Variants in STK4 observed in about 807,000 individuals in gnomAD.
STK4 encodes the protein serine/threonine-protein kinase 4.
A neutral mutation model predicts 64.9 loss-of-function variants in STK4; 30 were observed. The ratio of observed to expected loss-of-function variants is 0.46; its 90% confidence interval spans 0.35 to 0.63. The LOEUF (loss-of-function observed/expected upper bound fraction) is 0.63, where lower values mean the gene tolerates loss of function less well. Ranked by LOEUF, STK4 falls within the 20% of genes least tolerant of loss-of-function variation. The pLI is 0.01. For synonymous variants in STK4, 177 were observed against 199.0 expected, an observed-to-expected ratio of 0.89 and a Z score of 0.93; for missense variants, 466 against 598.5, an observed-to-expected ratio of 0.78 and a Z score of 2.31.
At chr20:45,007,982 G>A (rs1044162079) in intron 9 of STK4, among the ~76,000 whole-genome samples, 3 of 152,022 alleles carry the variant, frequency 2.0e-5, no homozygotes, top group East Asian at 1.9e-4. Context: ...GAACACATGC[G>A]GTATTTGGTT....
intron 9 of STK4, among the ~76,000 whole-genome samples, chr20:45,023,486 G>A (rs6073604): frequency 0.87 from 132,767 of 152,138 alleles, 58,075 homozygotes; most frequent in East Asian, 0.96. Flanking sequence ...AAGGTGCTGA[G>A]CCTTCTGGTT....
intron 10 of STK4, among the ~76,000 whole-genome samples, chr20:45,066,194 A>T: frequency 6.6e-6 from 1 of 151,998 alleles, no homozygotes; most frequent in East Asian, 1.9e-4. Context: ...ACACACACAC[A>T]CACACACACA....
At chr20:45,051,607 G>A (rs1057214461) in intron 10 of STK4, among the ~76,000 whole-genome samples, 1 of 152,190 alleles carries the variant, frequency 6.6e-6, no homozygotes, top group African/African-American at 2.4e-5. Context: ...CTGCAGCGAT[G>A]CATTGCTCTA....
intron 9 of STK4, among the ~76,000 whole-genome samples, chr20:45,008,208 C>A (rs1048754271): frequency 3.3e-5 from 5 of 152,162 alleles, no homozygotes; most frequent in Admixed American, 2.6e-4. Flanking sequence ...GCATGTACCA[C>A]CACACCAGGC....
intron 3 of STK4, among the ~76,000 whole-genome samples, chr20:44,978,870 C>G (rs1241188234): frequency 6.7e-6 from 1 of 150,118 alleles, no homozygotes; most frequent in Non-Finnish European, 1.5e-5. Context: ...GCAATCTCGG[C>G]TCATTGCAAC....
At chr20:45,052,567 C>G (rs761295684) in intron 10 of STK4, among the ~76,000 whole-genome samples, 1 of 152,048 alleles carries the variant, frequency 6.6e-6, no homozygotes, top group South Asian at 2.1e-4. Flanking sequence ...GTTTTCAGGT[C>G]GTTCTAATAT....
At chr20:45,010,726 T>C (rs2068030186) in intron 9 of STK4, among the ~76,000 whole-genome samples, 1 of 152,242 alleles carries the variant, frequency 6.6e-6, no homozygotes. Context: ...GAGCTGGGAC[T>C]AAGGCTTATG....
At chr20:45,068,607 A>G (rs148788655) in intron 10 of STK4, among the ~76,000 whole-genome samples, 13 of 152,306 alleles carry the variant, frequency 8.5e-5, no homozygotes, top group Middle Eastern at 6.8e-3. Context: ...TAATTCTTCC[A>G]GTCTTCCACA....
At chr20:45,059,712 A>G (rs1032936021) in intron 10 of STK4, among the ~76,000 whole-genome samples, 2 of 152,206 alleles carry the variant, frequency 1.3e-5, no homozygotes, top group African/African-American at 2.4e-5. Flanking sequence ...ATAAGGGGGA[A>G]TATAATATAC....
intron 10 of STK4, among the ~76,000 whole-genome samples, chr20:45,066,107 A>G (rs953757511): frequency 6.6e-6 from 1 of 152,048 alleles, no homozygotes; most frequent in African/African-American, 2.4e-5. Flanking sequence ...ATAGGTATAT[A>G]TGTATAGGAA....
rs374331006 is a variant in STK4 at position 45,001,245 on chromosome 20, A to G, written c.1039A>G (p.Met347Val). ...GGGCACTGTCCGAGTAGCCAGCACC[A>G]TGACTGATGGAGCCAATACTATGAT... ...EMGTVRVAST[M>V]TDGANTMIEH... Residue 347 changes from methionine (M) to valine (V), a missense_variant, in exon 9 of 11, where the codon ATG becomes GTG. Physicochemically the swap from Met to Val is conservative, Grantham distance 21 (BLOSUM62 1). Around this residue, in one of 2 missense-constraint regions of STK4, gnomAD observed 276 missense variants for 308.9 expected, o/e 0.89. Coordinates refer to ENST00000372806, the MANE Select transcript of STK4 (RefSeq NM_006282.5). 1.9e-6 allele frequency: 3 copies of G among 1,614,094 alleles called. No homozygotes were observed. The highest frequency in any genetic ancestry group is 1.3e-5 in the African/African-American group (1 of 74,936).
At chr20:45,033,127 T>C (rs1363241448) in intron 10 of STK4, among the ~76,000 whole-genome samples, 1 of 152,206 alleles carries the variant, frequency 6.6e-6, no homozygotes, top group East Asian at 1.9e-4. Context: ...TCGTTTGCTT[T>C]TTACTTGTTA....
intron 10 of STK4, among the ~76,000 whole-genome samples, chr20:45,060,467 C>T (rs1978894458): frequency 6.6e-6 from 1 of 152,078 alleles, no homozygotes; most frequent in African/African-American, 2.4e-5. Flanking sequence ...GTTTTTTTTC[C>T]CATAGACTCT....
intron 9 of STK4, among the ~76,000 whole-genome samples, chr20:45,003,643 G>C (rs2067880605): frequency 2.6e-5 from 4 of 152,038 alleles, no homozygotes; most frequent in Admixed American, 2.6e-4. Flanking sequence ...GTGTGGCAGG[G>C]AGTATATGGG....
intron 5 of STK4, among the ~76,000 whole-genome samples, chr20:44,989,780 C>T (rs888109864): frequency 6.6e-5 from 10 of 152,120 alleles, no homozygotes; most frequent in African/African-American, 2.4e-4. Context: ...GATAGGCATC[C>T]AATTTCATTC....
At chr20:44,970,242 AAAAG>A (rs1479422587) in intron 1 of STK4, among the ~76,000 whole-genome samples, 17 of 137,900 alleles carry the variant, frequency 1.2e-4, no homozygotes, top group African/African-American at 3.6e-4. Context: ...TAATTAAAAA[AAAAG>A]AAAAAAAAAG....
intron 9 of STK4, among the ~76,000 whole-genome samples, chr20:45,011,735 T>A (rs200455679): frequency 0.16 from 13,158 of 81,660 alleles, 939 homozygotes; most frequent in East Asian, 0.34. Context: ...ATATATTTTT[T>A]TTTTTTTTTT....
intron 9 of STK4, among the ~76,000 whole-genome samples, chr20:45,019,807 A>G (rs535318618): frequency 2.6e-4 from 40 of 152,208 alleles, no homozygotes; most frequent in Non-Finnish European, 5.1e-4. Flanking sequence ...CAAAAAACCC[A>G]CAAGCTAGCT....
At chr20:45,000,929 ACT>A (rs1319771871) in intron 8 of STK4, among the ~76,000 whole-genome samples, 2 of 152,026 alleles carry the variant, frequency 1.3e-5, no homozygotes, top group African/African-American at 4.8e-5. Context: ...ATGTCACAAA[ACT>A]CTATTAAGAA....
Sources: gnomAD v4.1 joint callset for allele counts (sites outside exome capture counted in the v4.1 genomes callset) on GRCh38, gnomAD v4.1.1 for gene constraint, gnomAD v4.1.1 regional missense constraint, MANE v1.5 for transcripts, NCBI Gene and HGNC (gene_info 2026-07-23, HGNC 2026-07-21) for gene names.